Variants in ARFGEF1 observed in about 807,000 individuals in gnomAD.
ARFGEF1 encodes brefeldin A-inhibited guanine nucleotide-exchange protein 1.
ARFGEF1 carries 42 observed loss-of-function variants against 231.0 expected under a neutral mutation model. The ratio of observed to expected loss-of-function variants is 0.18; its 90% confidence interval spans 0.14 to 0.24. ARFGEF1 has a LOEUF of 0.24. Among genes scored for constraint, ARFGEF1 ranks in the 10% least tolerant of loss-of-function variants. The pLI is 1.00. For synonymous variants in ARFGEF1, 710 were observed against 732.3 expected (o/e 0.97, Z 0.49); for missense variants, 1,345 against 2,192.0 (o/e 0.61, Z 7.72).
At chr8:67,220,191 A>C (rs543168529) in intron 29 of ARFGEF1, among the ~76,000 whole-genome samples, 8 of 152,348 alleles carry the variant, frequency 5.3e-5, no homozygotes, top group Admixed American at 4.6e-4. Context: ...CTAGCTTTTG[A>C]GTAAGTGTTA....
chr8:67,238,681 G>C, intron 21 of ARFGEF1, 54 bp downstream of exon 21: 1 of 1,575,936 alleles, frequency 6.3e-7, no homozygotes, highest in Non-Finnish European at 8.7e-7. Flanking sequence ...GGACTATTTA[G>C]CATTAGCTCA....
Position 67,266,944 on chromosome 8 carries a change from G to A in ARFGEF1, c.1853C>T (p.Ser618Leu), listed in dbSNP as rs376779610. Residue 618 changes from serine (S) to leucine (L), a missense_variant, in exon 13 of 39, where the codon TCG becomes TTG. Transcript: ENST00000262215. Reference sequence around the variant, plus strand: ...CCATTCAACCATACACTTCAAAATCGACACTAAGCATTCTAAACCTTTTTT... The same window carrying A: ...CCATTCAACCATACACTTCAAAATCAACACTAAGCATTCTAAACCTTTTTT... ...LRKKGLECLV[S>L]ILKCMVEWSK... The A allele has an allele frequency of 5.0e-5, 80 of 1,613,374 alleles. No individual in the cohort carries two copies. The highest frequency in any genetic ancestry group is 6.4e-5 in the Non-Finnish European group (76 of 1,179,736).
At chr8:67,210,166 A>G (rs890674370) in intron 34 of ARFGEF1, among the ~76,000 whole-genome samples, 5 of 150,464 alleles carry the variant, frequency 3.3e-5, no homozygotes, top group African/African-American at 9.8e-5. Flanking sequence ...AAAAAAAAAA[A>G]AAAAAAAAGA....
At chr8:67,228,945 A>G (rs1839470750) in intron 23 of ARFGEF1, among the ~76,000 whole-genome samples, 1 of 152,184 alleles carries the variant, frequency 6.6e-6, no homozygotes, top group Middle Eastern at 3.4e-3. Context: ...TTTGCAACCA[A>G]GAGTTTGACG....
downstream of ARFGEF1, among the ~76,000 whole-genome samples, chr8:67,193,949 C>G (rs1259075898): frequency 6.6e-6 from 1 of 152,206 alleles, no homozygotes; most frequent in Non-Finnish European, 1.5e-5. Context: ...AGCCTAAAGA[C>G]TTTGAGTTCT....
intron 1 of ARFGEF1, among the ~76,000 whole-genome samples, chr8:67,312,260 AC>A (rs146192154): frequency 2.6e-5 from 4 of 151,584 alleles, no homozygotes; most frequent in African/African-American, 7.3e-5. Context: ...AAAAAAAAAA[AC>A]AACACACACC....
At chr8:67,211,928 C>T (rs1838765708) in intron 33 of ARFGEF1, among the ~76,000 whole-genome samples, 1 of 152,076 alleles carries the variant, frequency 6.6e-6, no homozygotes, top group African/African-American at 2.4e-5. Context: ...ACACCTTTTG[C>T]AGGGGTGAAT....
At chr8:67,232,659 T>C (rs1288567485) in intron 23 of ARFGEF1, among the ~76,000 whole-genome samples, 196 bp downstream of exon 23, 1 of 152,042 alleles carries the variant, frequency 6.6e-6, no homozygotes, top group East Asian at 1.9e-4. Flanking sequence ...ATACTGTTTA[T>C]CATCTTCTTA....
intron 15 of ARFGEF1, among the ~76,000 whole-genome samples, chr8:67,259,198 A>T (rs1404848871): frequency 1.3e-5 from 2 of 152,186 alleles, no homozygotes; most frequent in Non-Finnish European, 2.9e-5. Context: ...CGGAGGACCA[A>T]TTAGAGATGA....
At chr8:67,244,203 A>T (rs1840022008) in intron 19 of ARFGEF1, among the ~76,000 whole-genome samples, 1 of 130,682 alleles carries the variant, frequency 7.7e-6, no homozygotes, top group Non-Finnish European at 1.6e-5. Flanking sequence ...GGATCATGCC[A>T]CTGCACTCCA....
At chr8:67,309,710 A>G (rs1386262203) in intron 1 of ARFGEF1, among the ~76,000 whole-genome samples, 1 of 152,222 alleles carries the variant, frequency 6.6e-6, no homozygotes. Context: ...TTTGCTCATT[A>G]GCATCAGAGT....
intron 34 of ARFGEF1, among the ~76,000 whole-genome samples, chr8:67,207,570 T>A (rs890021238): frequency 2.6e-5 from 4 of 152,216 alleles, no homozygotes; most frequent in African/African-American, 9.6e-5. Flanking sequence ...TAGTCAACCA[T>A]TTCATTGTCC....
At chr8:67,314,901 A>G (rs891845738) in intron 1 of ARFGEF1, among the ~76,000 whole-genome samples, 1 of 152,128 alleles carries the variant, frequency 6.6e-6, no homozygotes, top group Non-Finnish European at 1.5e-5. Context: ...CTGGGTGGGC[A>G]TGGTGGCATG....
chr8:67,231,771 T>C (rs1439128289), intron 23 of ARFGEF1, among the ~76,000 whole-genome samples: 1 of 152,044 alleles, frequency 6.6e-6, no homozygotes, highest in African/African-American at 2.4e-5. Flanking sequence ...AGTTATTTAA[T>C]CTTTTTCTGT....
At chr8:67,204,431 T>C (rs114597532) in intron 35 of ARFGEF1, among the ~76,000 whole-genome samples, 2,341 of 152,270 alleles carry the variant, frequency 0.015, 65 homozygotes, top group African/African-American at 0.054. Flanking sequence ...ATTCTCGTCT[T>C]CAGTCTCTGC....
At chr8:67,224,627 G>A (rs1304264761) in intron 29 of ARFGEF1, among the ~76,000 whole-genome samples, 1 of 151,734 alleles carries the variant, frequency 6.6e-6, no homozygotes, top group South Asian at 2.1e-4. Flanking sequence ...ATGAAAAGAC[G>A]GAATGTTTAA....
In ARFGEF1 at chr8:67,248,478, A is replaced by C. The variant is rs114513956; in HGVS notation, c.2850+2821T>G. Among the ~76,000 whole-genome samples, 1,238 of 150,696 alleles carry C rather than the reference A, an allele frequency of 8.2e-3. 110 individuals carry two copies. The highest frequency in any genetic ancestry group is 0.029 in the African/African-American group (1,179 of 40,438). On this transcript the variant is annotated intron_variant, in intron 19 of 38. Coordinates refer to ENST00000262215, the MANE Select transcript of ARFGEF1 (RefSeq NM_006421.5). ...TAGACTCCTTTATCTTGCCATATAC[A>C]AAAATCAGATCAAAATGGATTAAAA...
At chr8:67,269,085 C>G (rs1295268468) in intron 10 of ARFGEF1, among the ~76,000 whole-genome samples, 1 of 152,056 alleles carries the variant, frequency 6.6e-6, no homozygotes, top group Non-Finnish European at 1.5e-5. Context: ...AAAAATCAAC[C>G]TTTTAATAAT....
chr8:67,328,731 G>A (rs1335044820), intron 1 of ARFGEF1, among the ~76,000 whole-genome samples: 4 of 152,102 alleles, frequency 2.6e-5, no homozygotes, highest in Non-Finnish European at 5.9e-5. Context: ...ATGTGTATTT[G>A]TATTTCAGCT....
Sources: allele counts gnomAD v4.1 joint callset (sites outside exome capture counted in the v4.1 genomes callset), GRCh38; gene constraint gnomAD v4.1.1; transcripts MANE v1.5; gene names NCBI Gene and HGNC (gene_info 2026-07-23, HGNC 2026-07-21).